Variants in PEX7 observed in about 807,000 individuals in gnomAD.
The protein encoded by PEX7 is PTS2 receptor.
In PEX7, 34 loss-of-function variants were observed where a neutral mutation model predicts 47.5. The ratio of observed to expected loss-of-function variants is 0.72; its 90% CI spans 0.54 to 0.95. The LOEUF is 0.95. Ranked by LOEUF, PEX7 falls within the 40% of genes least tolerant of loss-of-function variation. The pLI, the probability that PEX7 is intolerant of heterozygous loss-of-function variation, is 0.00. For missense variants in PEX7, 394 were observed against 400.3 expected, an observed-to-expected ratio of 0.98 and a Z score of 0.13; for synonymous variants, 141 against 148.8, an observed-to-expected ratio of 0.95 and a Z score of 0.38.
At chr6:136,906,720 C>T (rs1210798079) in intron 9 of PEX7, among the ~76,000 whole-genome samples, 2 of 152,166 alleles carry the variant, frequency 1.3e-5, no homozygotes, top group African/African-American at 4.8e-5. Context: ...ATATTTGCCT[C>T]CTAACCTATC....
At chr6:136,892,762 A>G (rs1327583924) in intron 8 of PEX7, among the ~76,000 whole-genome samples, 1 of 152,250 alleles carries the variant, frequency 6.6e-6, no homozygotes, top group Non-Finnish European at 1.5e-5. Context: ...TATTATGAGT[A>G]CTATGAATGA....
chr6:136,879,054 G>A (rs1279086735), intron 8 of PEX7, among the ~76,000 whole-genome samples: 5 of 151,900 alleles, frequency 3.3e-5, no homozygotes, highest in Non-Finnish European at 7.4e-5. Context: ...AATAACCAGT[G>A]AACTTGTTCT....
chr6:136,874,668 CAAAAA>C (rs770483004), intron 8 of PEX7, among the ~76,000 whole-genome samples: 1 of 54,902 alleles, frequency 1.8e-5, no homozygotes, highest in Non-Finnish European at 4.0e-5. Flanking sequence ...GACTTTGCCT[CAAAAA>C]AAAAAAAAAA....
chr6:136,836,933 CAG>C (rs1774395745), intron 3 of PEX7, among the ~76,000 whole-genome samples: 1 of 151,896 alleles, frequency 6.6e-6, no homozygotes, highest in South Asian at 2.1e-4. Context: ...GCCTGGGCAA[CAG>C]AGTGAGACTC....
chr6:136,832,381 C>G (rs1249040563), intron 3 of PEX7, among the ~76,000 whole-genome samples: 6 of 152,252 alleles, frequency 3.9e-5, no homozygotes, highest in Non-Finnish European at 8.8e-5. Context: ...ATTTTTCCCT[C>G]CTAGGCCGCT....
chr6:136,826,176 G>A (rs971170734), intron 2 of PEX7, 143 bp from the exon 3 acceptor site: 24 of 886,132 alleles, frequency 2.7e-5, no homozygotes, highest in African/African-American at 1.5e-4. Context: ...CTTAACTCCC[G>A]TAGTTGTGCA....
chr6:136,883,068 G>A (rs1237018788), intron 8 of PEX7, among the ~76,000 whole-genome samples: 1 of 152,158 alleles, frequency 6.6e-6, no homozygotes, highest in African/African-American at 2.4e-5. Context: ...AGTCACTTAT[G>A]ATTGATTATG....
At position 136,870,054 on chromosome 6, in the gene PEX7, A is replaced by G; in HGVS notation, c.747+51A>G. On this transcript the variant is annotated intron_variant, in intron 7 of 9. Transcript: ENST00000318471. ...TGTAGAATAAAATTATATAAATATA[A>G]TCAATGAAGTGTATATTAAAAAGTG... 4 of 1,122,448 alleles carry G rather than the reference A, an allele frequency of 3.6e-6. No homozygotes were observed. In the South Asian group the frequency reaches 5.6e-5, roughly 16 times the overall value. The allele number at this position is 1,122,448 out of a possible 1,614,324, so 69.5% of individuals were successfully genotyped here. A position where few individuals can be genotyped will look rare whatever the true frequency, so the allele number is the denominator to read the frequency against.
intron 3 of PEX7, among the ~76,000 whole-genome samples, chr6:136,838,197 A>G (rs1473611401): frequency 6.6e-6 from 1 of 152,230 alleles, no homozygotes; most frequent in Non-Finnish European, 1.5e-5. Context: ...TCTTAGGATC[A>G]CTAAAAGTGG....
Position 136,822,654 on chromosome 6 carries a change from G to C in PEX7, c.-12G>C. ...GCGGCCGGGGCAGCGAGGGCCGGGG[G>C]CGGCGGGCGGGATGAGTGCGGTGTG... On this transcript the variant is annotated 5_prime_UTR_variant, in exon 1 of 10. Transcript: ENST00000318471. 1 of 1,526,084 alleles carries C rather than the reference G, an allele frequency of 6.6e-7. No individual in the cohort carries two copies. Among genetic ancestry groups the C allele is most frequent in the South Asian group, 1.2e-5 (1 of 83,764 alleles). The allele number at this position is 1,526,084 out of a possible 1,614,324, so 94.5% of individuals were successfully genotyped here. A position where few individuals can be genotyped will look rare whatever the true frequency, so the allele number is the denominator to read the frequency against.
At chr6:136,859,902 G>A (rs1367892684) in intron 5 of PEX7, among the ~76,000 whole-genome samples, 1 of 151,932 alleles carries the variant, frequency 6.6e-6, no homozygotes, top group East Asian at 1.9e-4. Flanking sequence ...GCGGGTGCCT[G>A]TAATCCCAGC....
intron 8 of PEX7, among the ~76,000 whole-genome samples, chr6:136,888,719 T>C (rs1775508409): frequency 6.6e-6 from 1 of 152,160 alleles, no homozygotes; most frequent in Non-Finnish European, 1.5e-5. Flanking sequence ...TGTTTATAAA[T>C]ATAAGTGAAT....
chr6:136,902,936 C>T (rs529010535), intron 9 of PEX7, among the ~76,000 whole-genome samples: 1 of 152,204 alleles, frequency 6.6e-6, no homozygotes, highest in South Asian at 2.1e-4. Flanking sequence ...GTTTAATAAG[C>T]TTTAATGTTT....
chr6:136,877,418 G>A (rs894918046), intron 8 of PEX7, among the ~76,000 whole-genome samples: 8 of 152,114 alleles, frequency 5.3e-5, no homozygotes, highest in Non-Finnish European at 1.5e-5. Flanking sequence ...GTATTGCCTA[G>A]GTTTTCTTCT....
intron 1 of PEX7, among the ~76,000 whole-genome samples, chr6:136,823,570 T>TGACA (rs1774126886): frequency 6.6e-6 from 1 of 150,526 alleles, no homozygotes; most frequent in Admixed American, 6.6e-5. Context: ...CCAGCCTGGG[T>TGACA]GACAGACTGA....
intron 8 of PEX7, among the ~76,000 whole-genome samples, chr6:136,876,261 TCTC>T (rs56823621): frequency 0.02 from 3,038 of 152,178 alleles, 114 homozygotes; most frequent in African/African-American, 0.069. Flanking sequence ...ATGGTCTTGA[TCTC>T]CTGACCTCGT....
At chr6:136,849,712 G>C (rs975097907) in intron 5 of PEX7, among the ~76,000 whole-genome samples, 25 of 152,250 alleles carry the variant, frequency 1.6e-4, no homozygotes, top group Middle Eastern at 3.4e-3. Flanking sequence ...ACTGTGGTCC[G>C]GGAGAAAGTT....
At chr6:136,832,761 G>C (rs1377466625) in intron 3 of PEX7, among the ~76,000 whole-genome samples, 1 of 152,096 alleles carries the variant, frequency 6.6e-6, no homozygotes, top group Non-Finnish European at 1.5e-5. Context: ...GGATCTCTAG[G>C]GCAGGGGCAA....
chr6:136,866,274 C>T (rs1775070594), intron 5 of PEX7, among the ~76,000 whole-genome samples: 1 of 151,904 alleles, frequency 6.6e-6, no homozygotes. Flanking sequence ...TTGTTGGTTT[C>T]TAGTACAATA....
Sources: gnomAD v4.1 joint callset for allele counts (sites outside exome capture counted in the v4.1 genomes callset) on GRCh38, gnomAD v4.1.1 for gene constraint, MANE v1.5 for transcripts, NCBI Gene and HGNC (gene_info 2026-07-23, HGNC 2026-07-21) for gene names.